The following USPL1 variants were observed in gnomAD, a reference collection of about 807,000 sequenced individuals.
The protein encoded by USPL1 is SUMO-specific isopeptidase USPL1.
USPL1 carries 27 observed loss-of-function variants against 51.5 expected under a neutral mutation model. The ratio of observed to expected loss-of-function variants is 0.52; its 90% confidence interval spans 0.39 to 0.72. The LOEUF (loss-of-function observed/expected upper bound fraction) is 0.72, where lower values mean the gene tolerates loss of function less well. Ranked by LOEUF, USPL1 falls within the 30% of genes least tolerant of loss-of-function variation. The probability of loss-of-function intolerance (pLI) is 0.00; values close to 1 mark genes in which losing one functional copy is unlikely to be tolerated. For synonymous variants in USPL1, 451 were observed against 459.6 expected, an observed-to-expected ratio of 0.98 and a Z score of 0.24; for missense variants, 1,226 against 1,268.0, an observed-to-expected ratio of 0.97 and a Z score of 0.50.
rs747701471 is a variant in USPL1, at chr13:30,658,439, C to T, written c.2362C>T (p.Pro788Ser). 6.2e-6 allele frequency: 10 copies of T among 1,613,716 alleles called. No homozygotes were observed. In the South Asian group the frequency reaches 8.8e-5, roughly 14 times the overall value. The change falls in exon 9 of 9, where the codon CCT (proline) becomes TCT (serine). Residue 788 changes from proline (P) to serine (S), a missense_variant. Physicochemically the swap from Pro to Ser is moderately conservative, Grantham distance 74. Coordinates refer to ENST00000255304, the MANE Select transcript of USPL1 (RefSeq NM_005800.5). ...HNRNTITDLQ[P>S]SVKGVNNFGG... ...TAGAAACACTATAACTGATTTACAA[C>T]CTTCAGTTAAAGGGGTAAATAATTT...
chr13:30,658,731 TTCATAAACTTCG>T lies in USPL1; in HGVS notation c.2657_2668del (p.His886_Arg889del). The T allele has an allele frequency of 6.2e-7, 1 of 1,614,182 alleles. No individual in the cohort carries two copies. The highest frequency in any genetic ancestry group is 1.1e-5 in the South Asian group (1 of 91,082). On this transcript the variant is annotated inframe_deletion, in exon 9 of 9. Coordinates refer to ENST00000255304, the MANE Select transcript of USPL1 (RefSeq NM_005800.5). ...CATGAAGACTTGGTGGAAGGTCAGA[TTCATAAACTTCG>T]TCTAAAACTTCGTAAAAAGCTAAAG...
intron 3 of USPL1, among the ~76,000 whole-genome samples, chr13:30,622,141 T>C (rs934395030): frequency 6.6e-6 from 1 of 151,702 alleles, no homozygotes; most frequent in African/African-American, 2.4e-5. Context: ...GTTTTTTTCT[T>C]TTTTTTTAAC....
At chr13:30,623,739 AC>A (rs948985230) in intron 3 of USPL1, among the ~76,000 whole-genome samples, 2 of 152,168 alleles carry the variant, frequency 1.3e-5, no homozygotes, top group Non-Finnish European at 2.9e-5. Flanking sequence ...TTTTAGCCCC[AC>A]GTACAGGCCT....
intron 3 of USPL1, 114 bp downstream of exon 3, chr13:30,622,006 T>A (rs981240433): frequency 1.4e-6 from 1 of 697,500 alleles, no homozygotes; most frequent in African/African-American, 1.9e-5. Flanking sequence ...ATTTTTAATA[T>A]GTAATCTCAG....
At position 30,659,446 on chromosome 13, in the gene USPL1, T is replaced by C. The variant is rs1189339482; in HGVS notation, c.*90T>C. ...AGGTAGTGTTTATACACTGGACTTG[T>C]GTAATTACTTGTGTAATAACCATGA... On this transcript the variant is annotated 3_prime_UTR_variant, in exon 9 of 9. Transcript: ENST00000255304. 3.5e-6 allele frequency: 4 copies of C among 1,146,046 alleles called. No homozygotes were observed. Among genetic ancestry groups the C allele is most frequent in the Non-Finnish European group, 4.8e-6 (4 of 840,664 alleles). The allele number at this position is 1,146,046 out of a possible 1,614,324, so 71.0% of individuals were successfully genotyped here.
Position 30,646,995 on chromosome 13 carries a change from C to T in USPL1, c.1176C>T (p.Ala392=), listed in dbSNP as rs375465587. ...VIPEWHPLNA[A]HFGPCNNCNS... ...CTGAGTGGCACCCACTTAATGCTGCCCATTTTGGTCCATGTAACAATTGCA... is the reference window on the plus strand; with the variant it reads ...CTGAGTGGCACCCACTTAATGCTGCTCATTTTGGTCCATGTAACAATTGCA... Residue 392 remains alanine (A), a synonymous_variant, in exon 7 of 9, where the codon GCC becomes GCT. Coordinates refer to ENST00000255304, the MANE Select transcript of USPL1 (RefSeq NM_005800.5). The T allele has an allele frequency of 6.2e-7, 1 of 1,613,616 alleles. No individual in the cohort carries two copies. The highest frequency in any genetic ancestry group is 8.5e-7 in the Non-Finnish European group (1 of 1,179,700).
rs538900157 is a variant in USPL1, at chr13:30,628,499, A to G, written c.229-2336A>G. On this transcript the variant is annotated intron_variant, in intron 3 of 8. Coordinates refer to ENST00000255304, the MANE Select transcript of USPL1 (RefSeq NM_005800.5). ...GGTTTGTTGCACCTGTCAGCCTGTC[A>G]TCTACGTTAGGTATTTCTCCTAATG... 6.6e-5 allele frequency among the ~76,000 whole-genome samples: 10 copies of G among 152,274 alleles called. No homozygotes were observed. The South Asian group carries it at 2.1e-3, about 32-fold the overall frequency.
At chr13:30,653,965 A>G (rs757525819) in intron 8 of USPL1, among the ~76,000 whole-genome samples, 7 of 152,060 alleles carry the variant, frequency 4.6e-5, no homozygotes, top group African/African-American at 7.2e-5. Context: ...CACACTTCCT[A>G]TTTTCCTCCT....
At chr13:30,642,906 A>G in intron 6 of USPL1, 149 bp downstream of exon 6, 1 of 933,102 alleles carries the variant, frequency 1.1e-6, no homozygotes, top group Non-Finnish European at 1.6e-6. Context: ...TGCTAGTAGG[A>G]TATTTCCTAA....
In USPL1 at chr13:30,631,205, C is replaced by G. The variant is rs1187239412; in HGVS notation, c.599C>G (p.Ser200Cys). ...GATGTCTCTGGAACTGGCAGACCTT[C>G]CCCTCAAAATGAAGGATGTACATCT... ...TVDVSGTGRP[S>C]PQNEGCTSKL... Residue 200 changes from serine (S) to cysteine (C), a missense_variant, in exon 4 of 9, where the codon TCC (serine) becomes TGC (cysteine). By Grantham distance (112) the Ser-to-Cys change is moderately radical. Transcript: ENST00000255304. 6.8e-6 allele frequency: 11 copies of G among 1,614,152 alleles called. No individual in the cohort carries two copies. The highest frequency in any genetic ancestry group is 9.3e-6 in the Non-Finnish European group (11 of 1,180,020).
chr13:30,636,021 A>T (rs1034072840), intron 4 of USPL1, among the ~76,000 whole-genome samples: 2 of 152,208 alleles, frequency 1.3e-5, no homozygotes, highest in Non-Finnish European at 2.9e-5. Flanking sequence ...TTTGTTAGGT[A>T]AGAAATATTT....
rs139481673 is a variant in USPL1 at position 30,637,765 on chromosome 13, C to G, written c.890C>G (p.Thr297Ser). 21 of 1,611,982 alleles carry G rather than the reference C, an allele frequency of 1.3e-5. No individual in the cohort carries two copies. The East Asian group carries it at 4.5e-4, about 34-fold the overall frequency. The change falls in exon 5 of 9, where the codon ACC (threonine) becomes AGC (serine). Residue 297 changes from threonine to serine, a missense_variant. By Grantham distance (58) the Thr-to-Ser change is moderately conservative. Transcript: ENST00000255304. ...TTAGATGGAGATTGTAAAAAACTTACCTCAGAAATATTTGCAGAGATAGAG... is the reference window on the plus strand; with the variant it reads ...TTAGATGGAGATTGTAAAAAACTTAGCTCAGAAATATTTGCAGAGATAGAG... ...GVKDGDCKKL[T>S]SEIFAEIETC...
At position 30,660,075 on chromosome 13, in the gene USPL1, C is replaced by G. The variant is rs544176560; in HGVS notation, c.*719C>G. 1 of 152,424 alleles carries G rather than the reference C, an allele frequency of 6.6e-6. No homozygotes were observed. The highest frequency in any genetic ancestry group is 2.4e-5 in the African/African-American group (1 of 41,588). 9.4% of individuals were successfully genotyped at this position (152,424 alleles called of 1,614,324 possible). A position where few individuals can be genotyped will look rare whatever the true frequency, so the allele number is the denominator to read the frequency against. On this transcript the variant is annotated 3_prime_UTR_variant, in exon 9 of 9. Coordinates refer to ENST00000255304, the MANE Select transcript of USPL1 (RefSeq NM_005800.5). ...AGCTTCTATCCATAGGCAGGTTGTTCTGCCGTCTCTACAGGTCTCTGAAGC... is the reference window on the plus strand; with the variant it reads ...AGCTTCTATCCATAGGCAGGTTGTTGTGCCGTCTCTACAGGTCTCTGAAGC...
chr13:30,628,292 A>G (rs895319770), intron 3 of USPL1, among the ~76,000 whole-genome samples: 1 of 152,004 alleles, frequency 6.6e-6, no homozygotes, highest in African/African-American at 2.4e-5. Context: ...CACTTGGCAT[A>G]ATGGCCTCAA....
At chr13:30,618,818 T>TA (rs1950607242) in intron 1 of USPL1, among the ~76,000 whole-genome samples, 1 of 152,178 alleles carries the variant, frequency 6.6e-6, no homozygotes, top group African/African-American at 2.4e-5. Flanking sequence ...CAATGAGCTT[T>TA]AGGTCATAAT....
chr13:30,621,948 TTTA>T, intron 3 of USPL1, 56 bp downstream of exon 3: 1 of 1,213,036 alleles, frequency 8.2e-7, no homozygotes, highest in Non-Finnish European at 1.1e-6. Context: ...CTTTTGCTTT[TTTA>T]TTAATTGTTT....
chr13:30,659,589 G>T lies in USPL1; in HGVS notation c.*233G>T. The T allele has an allele frequency of 7.5e-6, 3 of 400,152 alleles. No homozygotes were observed. The highest frequency in any genetic ancestry group is 6.2e-5 in the South Asian group (1 of 16,146). The allele number at this position is 400,152 out of a possible 1,614,324, so 24.8% of individuals were successfully genotyped here. On this transcript the variant is annotated 3_prime_UTR_variant, in exon 9 of 9. Coordinates refer to ENST00000255304, the MANE Select transcript of USPL1 (RefSeq NM_005800.5). ...TCATTTTGTTCTTGTGAGAGTATGA[G>T]GATTTCAAAATGTTAAAGATGAAAA... is the stretch of plus-strand genomic sequence containing the variant.
intron 6 of USPL1, among the ~76,000 whole-genome samples, chr13:30,643,613 C>CTT (rs1173017334): frequency 7.8e-5 from 9 of 115,650 alleles, no homozygotes; most frequent in Non-Finnish European, 1.4e-4. Context: ...CCCCCCCGCC[C>CTT]TTTTTTTTTT....
chr13:30,623,300 A>G (rs1162600605), intron 3 of USPL1, among the ~76,000 whole-genome samples: 18 of 152,138 alleles, frequency 1.2e-4, no homozygotes, highest in Non-Finnish European at 1.2e-4. Flanking sequence ...AAGGTGGATC[A>G]GAAAAATAAT....
Sources: gnomAD v4.1 joint callset for allele counts (sites outside exome capture counted in the v4.1 genomes callset) on GRCh38, gnomAD v4.1.1 for gene constraint, MANE v1.5 for transcripts, NCBI Gene and HGNC (gene_info 2026-07-23, HGNC 2026-07-21) for gene names.